The following NCS1 variants were observed in gnomAD, a reference collection of about 807,000 sequenced individuals.
NCS1 encodes the protein frequenin homolog.
In NCS1, 6 loss-of-function variants were observed where a neutral mutation model predicts 28.4. That is an observed-to-expected ratio of 0.21 (90% CI 0.12 to 0.42). NCS1 has a LOEUF of 0.42. NCS1 is among the 10% of genes least tolerant of loss of function. The probability of loss-of-function intolerance (pLI) is 1.00; values close to 1 mark genes in which losing one functional copy is unlikely to be tolerated. For synonymous variants in NCS1, 86 were observed against 99.3 expected, an observed-to-expected ratio of 0.87 and a Z score of 0.79; for missense variants, 131 against 241.4, an observed-to-expected ratio of 0.54 and a Z score of 3.03.
intron 1 of NCS1, among the ~76,000 whole-genome samples, chr9:130,182,389 G>A (rs1832672740): frequency 6.6e-6 from 1 of 152,210 alleles, no homozygotes; most frequent in Admixed American, 6.5e-5. Context: ...GAGCATCCAA[G>A]CCGCTGCTGG....
At chr9:130,190,861 C>T (rs1832808491) in intron 1 of NCS1, among the ~76,000 whole-genome samples, 1 of 152,168 alleles carries the variant, frequency 6.6e-6, no homozygotes, top group Admixed American at 6.5e-5. Flanking sequence ...GGGACCCCCG[C>T]CTGTCAGCAC....
intron 1 of NCS1, among the ~76,000 whole-genome samples, chr9:130,183,307 G>GA (rs1226945854): frequency 8.6e-6 from 1 of 116,882 alleles, no homozygotes. Flanking sequence ...CCATGCGGCT[G>GA]GGGGGGGGAG....
At position 130,180,687 on chromosome 9, in the gene NCS1, A is replaced by G. The variant is rs111853216; in HGVS notation, c.64+7960A>G. Among the ~76,000 whole-genome samples the G allele has an allele frequency of 6.1e-3, 928 of 152,282 alleles. 9 individuals are homozygous for G. Among genetic ancestry groups the G allele is most frequent in the African/African-American group, 0.021 (887 of 41,558 alleles). The stretch of plus-strand genomic sequence containing the variant: ...CTCTGAGGTCCCTTGCGCATGAGAC[A>G]GGGATGTTTGCACAGGGATCTGCAC... On this transcript the variant is annotated intron_variant, in intron 1 of 7. Transcript: ENST00000372398. The surrounding 1 kb of genome is among the most constrained non-coding windows in gnomAD (Gnocchi z 4.5).
chr9:130,175,969 T>A lies in NCS1; in HGVS notation c.64+3242T>A. Reference sequence around the variant, plus strand: ...TGTGGGATGGGCCGGTCCCCTCACCTACCTGAGCCTCAGTTTCCTCATCTG... The same window carrying A: ...TGTGGGATGGGCCGGTCCCCTCACCAACCTGAGCCTCAGTTTCCTCATCTG... On this transcript the variant is annotated intron_variant, in intron 1 of 7. Coordinates refer to ENST00000372398, the MANE Select transcript of NCS1 (RefSeq NM_014286.4). The surrounding 1 kb of genome is among the most constrained non-coding windows in gnomAD (Gnocchi z 4.9). Among the ~76,000 whole-genome samples, 1 of 152,210 alleles carries A rather than the reference T, an allele frequency of 6.6e-6. No individual in the cohort carries two copies. The highest frequency in any genetic ancestry group is 2.1e-4 in the South Asian group (1 of 4,828).
intron 5 of NCS1, 25 bp downstream of exon 5, chr9:130,222,763 T>C: frequency 1.2e-6 from 2 of 1,610,208 alleles, no homozygotes; most frequent in Non-Finnish European, 1.7e-6. Context: ...CTCGTGTGGT[T>C]AGGGGTGGCA....
rs1393428347 is a variant in NCS1 at position 130,180,511 on chromosome 9, G to A, written c.64+7784G>A. On this transcript the variant is annotated intron_variant, in intron 1 of 7. Transcript: ENST00000372398. This position sits in a 1 kb window ranked among gnomAD's most constrained non-coding sequence, Gnocchi z 4.5. ...TGTGTGATCTATTTTGCAGGGCAGA[G>A]AGTGTCAGAGATTACGTTGCGGCGT... 6.6e-6 allele frequency among the ~76,000 whole-genome samples: 1 copy of A among 152,212 alleles called. No individual in the cohort carries two copies. The highest frequency in any genetic ancestry group is 2.4e-5 in the African/African-American group (1 of 41,450).
chr9:130,183,667 TTC>T (rs35176220), intron 1 of NCS1, among the ~76,000 whole-genome samples: 41,887 of 151,182 alleles, frequency 0.28, 6,414 homozygotes, highest in Admixed American at 0.38. Flanking sequence ...TTTTCTTTCC[TTC>T]TCTCTCTTTC....
In NCS1 at chr9:130,233,432, G is replaced by A. The variant is rs1272134941; in HGVS notation, c.*460G>A. On this transcript the variant is annotated 3_prime_UTR_variant, in exon 8 of 8. Transcript: ENST00000372398. The surrounding 1 kb of genome is among the most constrained non-coding windows in gnomAD (Gnocchi z 4.8). Reference sequence around the variant, plus strand: ...GAACTCTGCCTTGCCCTCGTCCCTCGTCCTTCGGCAGCCGGAGAGGCTGTG... The same window carrying A: ...GAACTCTGCCTTGCCCTCGTCCCTCATCCTTCGGCAGCCGGAGAGGCTGTG... 2 of 152,504 alleles carry A rather than the reference G, an allele frequency of 1.3e-5. No individual in the cohort carries two copies. The highest frequency in any genetic ancestry group is 2.9e-5 in the Non-Finnish European group (2 of 68,020). 9.4% of individuals were successfully genotyped at this position (152,504 alleles called of 1,614,324 possible). A position where few individuals can be genotyped will look rare whatever the true frequency, so the allele number is the denominator to read the frequency against.
At chr9:130,176,194 C>CTTTCTTTCTTTCTTTCTTTT (rs1554904576) in intron 1 of NCS1, among the ~76,000 whole-genome samples, 1 of 50,136 alleles carries the variant, frequency 2.0e-5, no homozygotes, top group African/African-American at 1.1e-4. Context: ...TTCTTTCTTT[C>CTTTCTTTCTTTCTTTCTTTT]TTTTTTTTTT....
At chr9:130,185,942 C>G (rs191945280) in intron 1 of NCS1, among the ~76,000 whole-genome samples, 3 of 152,356 alleles carry the variant, frequency 2.0e-5, no homozygotes, top group African/African-American at 7.2e-5. Flanking sequence ...AATCGCTGAG[C>G]GAAGCCTGCC....
rs188210813 is a variant in NCS1, at chr9:130,181,413, C to T, written c.64+8686C>T. ...ACGGGACGGTCAGGGGCTGTCACTG[C>T]GGTGAGAATCTGGTATTAGGCATGT... is the stretch of plus-strand genomic sequence containing the variant. On this transcript the variant is annotated intron_variant, in intron 1 of 7. Coordinates refer to ENST00000372398, the MANE Select transcript of NCS1 (RefSeq NM_014286.4). This position sits in a 1 kb window ranked among gnomAD's most constrained non-coding sequence, Gnocchi z 5.0. 1.4e-3 allele frequency among the ~76,000 whole-genome samples: 212 copies of T among 152,218 alleles called. No individual in the cohort carries two copies. The highest frequency in any genetic ancestry group is 4.7e-3 in the African/African-American group (195 of 41,522).
At position 130,223,172 on chromosome 9, in the gene NCS1, G is replaced by C. The variant is rs782207495; in HGVS notation, c.474+13G>C. 7 of 1,589,088 alleles carry C rather than the reference G, an allele frequency of 4.4e-6. No individual in the cohort carries two copies. The African/African-American group carries it at 9.4e-5, about 21-fold the overall frequency. The stretch of plus-strand genomic sequence containing the variant: ...CATGATGGATAAGGTGAGGTGGGGG[G>C]GCGGGGCTGGTCCTGGACCAGGGAG... On this transcript the variant is annotated intron_variant, in intron 6 of 7. Transcript: ENST00000372398.
chr9:130,224,256 A>G (rs1248361841), intron 6 of NCS1, among the ~76,000 whole-genome samples: 1 of 146,716 alleles, frequency 6.8e-6, no homozygotes, highest in African/African-American at 2.5e-5. Context: ...GGAGTTCGAG[A>G]CCAGCCTGGC....
intron 1 of NCS1, among the ~76,000 whole-genome samples, chr9:130,198,897 T>C (rs1378037157): frequency 6.6e-6 from 1 of 152,048 alleles, no homozygotes; most frequent in African/African-American, 2.4e-5. Context: ...CCAGCTGCCA[T>C]CACAGCTGCC....
intron 1 of NCS1, among the ~76,000 whole-genome samples, chr9:130,179,067 G>A (rs1293038042): frequency 3.3e-5 from 5 of 150,792 alleles, no homozygotes; most frequent in Admixed American, 2.0e-4. Context: ...CCCGAGTAGG[G>A]GATTACAGGC....
At chr9:130,222,867 G>A (rs1833352178) in intron 5 of NCS1, 129 bp downstream of exon 5, 11 of 1,024,296 alleles carry the variant, frequency 1.1e-5, no homozygotes, top group South Asian at 2.7e-5. Flanking sequence ...TGGCTGAGCC[G>A]TTCTGTACAT....
chr9:130,175,287 C>T lies in NCS1; in HGVS notation c.64+2560C>T, dbSNP rs1832548761. Among the ~76,000 whole-genome samples the T allele has an allele frequency of 6.6e-6, 1 of 152,182 alleles. No individual in the cohort carries two copies. The highest frequency in any genetic ancestry group is 1.5e-5 in the Non-Finnish European group (1 of 68,044). ...TGTTCTCCCGCCCCCAGATGGGCTTCCTTCTGATGGGGAGTGGAGCCATCT... is the reference window on the plus strand; with the variant it reads ...TGTTCTCCCGCCCCCAGATGGGCTTTCTTCTGATGGGGAGTGGAGCCATCT... On this transcript the variant is annotated intron_variant, in intron 1 of 7. Transcript: ENST00000372398. This position sits in a 1 kb window ranked among gnomAD's most constrained non-coding sequence, Gnocchi z 4.9.
In NCS1 at chr9:130,209,343, G is replaced by A. The variant is rs551974583; in HGVS notation, c.89+8361G>A. ...TGCAGGAACTGAGAGTGGCAAATTCGGGGGAAGTCCTAGAGGACCGGGGCG... is the reference window on the plus strand; with the variant it reads ...TGCAGGAACTGAGAGTGGCAAATTCAGGGGAAGTCCTAGAGGACCGGGGCG... On this transcript the variant is annotated intron_variant, in intron 2 of 7. Transcript: ENST00000372398. This position sits in a 1 kb window ranked among gnomAD's most constrained non-coding sequence, Gnocchi z 4.4. 3.3e-5 allele frequency among the ~76,000 whole-genome samples: 5 copies of A among 152,302 alleles called. No individual in the cohort carries two copies. The highest frequency in any genetic ancestry group is 4.8e-5 in the African/African-American group (2 of 41,570).
chr9:130,189,297 CAGAG>C (rs1427608695), intron 1 of NCS1, among the ~76,000 whole-genome samples: 47 of 152,182 alleles, frequency 3.1e-4, no homozygotes, highest in African/African-American at 1.1e-3. Context: ...AACTGAGGCT[CAGAG>C]AGGTGAATTT....
Sources: gnomAD v4.1 joint callset for allele counts (sites outside exome capture counted in the v4.1 genomes callset) on GRCh38, gnomAD v4.1.1 for gene constraint, Gnocchi (gnomAD v3.1) non-coding constraint, MANE v1.5 for transcripts, NCBI Gene and HGNC (gene_info 2026-07-23, HGNC 2026-07-21) for gene names.